TMEM161B: variants seen among roughly 807,000 people sequenced by gnomAD.
TMEM161B encodes transmembrane protein 161B.
Under a neutral mutation model 61.8 loss-of-function variants are expected in TMEM161B, and 34 were observed. The ratio of observed to expected loss-of-function variants is 0.55; its 90% CI spans 0.42 to 0.73. TMEM161B has a LOEUF of 0.73. Ranked by LOEUF, TMEM161B falls within the 30% of genes least tolerant of loss-of-function variation. The pLI, the probability that TMEM161B is intolerant of heterozygous loss-of-function variation, is 0.00. For missense variants in TMEM161B, 456 were observed against 558.5 expected (o/e 0.82, Z 1.85); for synonymous variants, 167 against 192.8 (o/e 0.87, Z 1.11).
At chr5:88,224,286 C>CT (rs1258168073) in intron 4 of TMEM161B, among the ~76,000 whole-genome samples, 1 of 152,194 alleles carries the variant, frequency 6.6e-6, no homozygotes, top group Non-Finnish European at 1.5e-5. Context: ...TCTAGATTTA[C>CT]TGAATCTTCA....
At chr5:88,249,165 A>T (rs907135522) in intron 1 of TMEM161B, among the ~76,000 whole-genome samples, 1 of 152,098 alleles carries the variant, frequency 6.6e-6, no homozygotes, top group Non-Finnish European at 1.5e-5. Flanking sequence ...TGCCCTCCAC[A>T]GAAAGAAAGC....
chr5:88,189,721 G>C (rs1436474076), exon 13 of TMEM161B: 1 of 200,010 alleles, frequency 5.0e-6, no homozygotes, highest in African/African-American at 2.3e-5. Flanking sequence ...GGAGTGCCTG[G>C]AAGTCCCCAC....
chr5:88,192,295 A>T (rs1749035771), downstream of TMEM161B, among the ~76,000 whole-genome samples: 1 of 152,036 alleles, frequency 6.6e-6, no homozygotes, highest in South Asian at 2.1e-4. Flanking sequence ...ATCCATTAAA[A>T]ATAGGCCTGT....
At chr5:88,264,273 G>T (rs1756064423) in intron 1 of TMEM161B, among the ~76,000 whole-genome samples, 1 of 152,042 alleles carries the variant, frequency 6.6e-6, no homozygotes. Flanking sequence ...AGTAGGCGAA[G>T]GATATGAACA....
chr5:88,197,491 G>C (rs1232694299), intron 11 of TMEM161B, among the ~76,000 whole-genome samples, 178 bp downstream of exon 11: 2 of 152,100 alleles, frequency 1.3e-5, no homozygotes, highest in African/African-American at 2.4e-5. Context: ...ATGGGCCTGA[G>C]TTTTCAAAAT....
In TMEM161B at chr5:88,266,929, A is replaced by T. The variant is rs1756449838; in HGVS notation, c.3+1792T>A. Among the ~76,000 whole-genome samples, 8 of 152,342 alleles carry T rather than the reference A, an allele frequency of 5.3e-5. No individual in the cohort carries two copies. In the South Asian group the frequency reaches 1.7e-3, roughly 32 times the overall value. ...ATGACATTCAGAAAAACAGCATAAGATTACATTAGTTCCAAACATTAACCA... is the reference window on the plus strand; with the variant it reads ...ATGACATTCAGAAAAACAGCATAAGTTTACATTAGTTCCAAACATTAACCA... On this transcript the variant is annotated intron_variant, in intron 1 of 11. Transcript: ENST00000296595.
At chr5:88,222,713 A>G (rs1046353456) in intron 4 of TMEM161B, among the ~76,000 whole-genome samples, 11 of 152,208 alleles carry the variant, frequency 7.2e-5, no homozygotes, top group Non-Finnish European at 1.3e-4. Context: ...CTTATAATAG[A>G]TAATACAAAT....
chr5:88,232,637 G>A (rs574521478), intron 2 of TMEM161B, among the ~76,000 whole-genome samples: 1 of 152,000 alleles, frequency 6.6e-6, no homozygotes, highest in African/African-American at 2.4e-5. Flanking sequence ...GCGGTAGCAC[G>A]ATCTTGGCTG....
At chr5:88,237,768 A>T (rs1752098850) in intron 2 of TMEM161B, among the ~76,000 whole-genome samples, 1 of 152,126 alleles carries the variant, frequency 6.6e-6, no homozygotes, top group South Asian at 2.1e-4. Context: ...AAAAAATACT[A>T]ATAGCAATAT....
At chr5:88,218,491 A>T (rs1471442437) in intron 5 of TMEM161B, among the ~76,000 whole-genome samples, 2 of 151,704 alleles carry the variant, frequency 1.3e-5, no homozygotes, top group African/African-American at 2.4e-5. Flanking sequence ...ACAGAACTTT[A>T]AAAAAAAATC....
intron 6 of TMEM161B, 93 bp downstream of exon 6, chr5:88,206,936 A>G (rs1745615143): frequency 9.7e-7 from 1 of 1,031,298 alleles, no homozygotes; most frequent in East Asian, 2.6e-5. Context: ...TTAATTTTAG[A>G]TATTTATCAG....
chr5:88,246,578 T>C (rs1396245637), intron 1 of TMEM161B, among the ~76,000 whole-genome samples: 2 of 151,880 alleles, frequency 1.3e-5, no homozygotes, highest in Non-Finnish European at 2.9e-5. Flanking sequence ...AAGTAGCCAG[T>C]TCATTAACTA....
At chr5:88,260,666 T>C (rs761212611) in intron 1 of TMEM161B, among the ~76,000 whole-genome samples, 1 of 152,142 alleles carries the variant, frequency 6.6e-6, no homozygotes, top group Non-Finnish European at 1.5e-5. Flanking sequence ...TTGTCCAGAT[T>C]GGTCTCAAAC....
chr5:88,246,463 C>T (rs1341686582), intron 1 of TMEM161B, among the ~76,000 whole-genome samples: 1 of 151,640 alleles, frequency 6.6e-6, no homozygotes, highest in Non-Finnish European at 1.5e-5. Context: ...TATGTATTAT[C>T]AATTTAATAT....
chr5:88,264,924 G>A (rs894472622), intron 1 of TMEM161B, among the ~76,000 whole-genome samples: 7 of 151,886 alleles, frequency 4.6e-5, no homozygotes, highest in Admixed American at 6.6e-5. Context: ...CACACACTGC[G>A]GCCTGTCAGG....
intron 1 of TMEM161B, among the ~76,000 whole-genome samples, chr5:88,246,202 AT>A (rs1178844985): frequency 6.6e-6 from 1 of 151,722 alleles, no homozygotes; most frequent in African/African-American, 2.4e-5. Flanking sequence ...CTAAATAAAT[AT>A]ATTATTATAT....
intron 4 of TMEM161B, among the ~76,000 whole-genome samples, chr5:88,225,251 G>A (rs1445765042): frequency 6.6e-6 from 1 of 152,178 alleles, no homozygotes; most frequent in Non-Finnish European, 1.5e-5. Context: ...ACAGGCGTGA[G>A]CCACCGCGCC....
At chr5:88,243,562 T>C (rs1442753832) in intron 1 of TMEM161B, among the ~76,000 whole-genome samples, 1 of 151,942 alleles carries the variant, frequency 6.6e-6, no homozygotes, top group Non-Finnish European at 1.5e-5. Flanking sequence ...AACATACACA[T>C]GCATGTGTGT....
chr5:88,239,727 A>G (rs1752421548), intron 2 of TMEM161B, among the ~76,000 whole-genome samples: 1 of 152,152 alleles, frequency 6.6e-6, no homozygotes, highest in Admixed American at 6.6e-5. Flanking sequence ...AATATGGAAA[A>G]AGTAGAAAGC....
Sources: allele counts gnomAD v4.1 joint callset (sites outside exome capture counted in the v4.1 genomes callset), GRCh38; gene constraint gnomAD v4.1.1; transcripts MANE v1.5; gene names NCBI Gene and HGNC (gene_info 2026-07-23, HGNC 2026-07-21).